PSG3: variants seen among roughly 807,000 people sequenced by gnomAD.
PSG3 encodes the protein pregnancy specific beta-1-glycoprotein 3.
A neutral mutation model predicts 47.5 loss-of-function variants in PSG3; 61 were observed. The observed-to-expected ratio is 1.28, with a 90% CI of 1.05 to 1.59. The LOEUF is 1.59. Ranked by LOEUF, PSG3 falls within the 40% of genes most tolerant of loss-of-function variation. The pLI, the probability that PSG3 is intolerant of heterozygous loss-of-function variation, is 0.00. For synonymous variants in PSG3, 263 were observed against 198.4 expected, an observed-to-expected ratio of 1.33 and a Z score of -2.74; for missense variants, 756 against 524.0, an observed-to-expected ratio of 1.44 and a Z score of -4.32.
chr19:42,723,348 A>G (rs56245764), intron 6 of PSG3, among the ~76,000 whole-genome samples: 3 of 152,340 alleles, frequency 2.0e-5, no homozygotes, highest in South Asian at 2.1e-4. Flanking sequence ...AGAATTTTAT[A>G]TCTATATGGG....
At chr19:42,736,159 A>G (rs1969559432) in intron 2 of PSG3, among the ~76,000 whole-genome samples, 1 of 152,246 alleles carries the variant, frequency 6.6e-6, no homozygotes, top group Non-Finnish European at 1.5e-5. Context: ...AGGGAACTGA[A>G]TTCTGCTAAA....
intron 3 of PSG3, among the ~76,000 whole-genome samples, chr19:42,730,349 T>C (rs1969452936): frequency 6.6e-6 from 1 of 152,148 alleles, no homozygotes. Context: ...CCCCTCCCAG[T>C]CCCTCCATAA....
At position 42,738,788 on chromosome 19, in the gene PSG3, T is replaced by A. The variant is rs1400677219; in HGVS notation, c.366A>T (p.Leu122Phe). 1 of 1,614,056 alleles carries A rather than the reference T, an allele frequency of 6.2e-7. No individual in the cohort carries two copies. The highest frequency in any genetic ancestry group is 8.5e-7 in the Non-Finnish European group (1 of 1,179,968). The stretch of plus-strand genomic sequence containing the variant: ...TCCCATCACCTCGCTTTACGATGTG[T>A]AAGGTGTAGGATCCTGCGTCCTCCC... ...VTREDAGSYT[L>F]HIVKRGDGTR... Residue 122 changes from leucine to phenylalanine, a missense_variant, in exon 2 of 7, where the codon TTA becomes TTT. By Grantham distance (22) the Leu-to-Phe change is conservative. Coordinates refer to ENST00000327495, the MANE Select transcript of PSG3 (RefSeq NM_021016.4).
chr19:42,725,890 C>CAAAAAAAAAAAAAACAAAAAAAAAA (rs1969369168), intron 5 of PSG3, among the ~76,000 whole-genome samples: 1 of 68,054 alleles, frequency 1.5e-5, no homozygotes, highest in African/African-American at 6.2e-5. Context: ...CAACAACAAC[C>CAAAAAAAAAAAAAACAAAAAAAAAA]AAAAAAAAAA....
rs866718026 is a variant in PSG3 at position 42,739,723 on chromosome 19, C to T, written c.64+598G>A. Among the ~76,000 whole-genome samples the T allele has an allele frequency of 1.8e-3, 267 of 151,890 alleles. 1 individual carries two copies. Among genetic ancestry groups the T allele is most frequent in the African/African-American group, 5.3e-3 (219 of 41,428 alleles). ...TTTTTGCTGAGGACAGTGTTTCATG[C>T]CCTGCTTATATTTTTATTTGAAGTG... On this transcript the variant is annotated intron_variant, in intron 1 of 6. Transcript: ENST00000327495.
chr19:42,727,845 A>C (rs539087213), intron 5 of PSG3, among the ~76,000 whole-genome samples: 127 of 152,392 alleles, frequency 8.3e-4, no homozygotes, highest in African/African-American at 2.7e-3. Flanking sequence ...CATTACTCAC[A>C]CTAGCCAAAA....
In PSG3 at chr19:42,721,654, G is replaced by A. The variant is rs111583711; in HGVS notation, c.*477C>T. On this transcript the variant is annotated 3_prime_UTR_variant, in exon 7 of 7. Transcript: ENST00000327495. ...AGCAGATCCTTACTGAACTTGTGCA[G>A]ATAACTTTATTACCATAAACATATG... is the stretch of plus-strand genomic sequence containing the variant. 24,499 of 268,580 alleles carry A rather than the reference G, an allele frequency of 0.091. 1,313 individuals carry two copies. The highest frequency in any genetic ancestry group is 0.14 in the Middle Eastern group (131 of 940). The allele number at this position is 268,580 out of a possible 1,614,324, so 16.6% of individuals were successfully genotyped here. A position where few individuals can be genotyped will look rare whatever the true frequency, so the allele number is the denominator to read the frequency against.
intron 5 of PSG3, among the ~76,000 whole-genome samples, chr19:42,725,903 A>AAAAAAAG (rs1196634673): frequency 1.3e-5 from 2 of 150,960 alleles, no homozygotes; most frequent in African/African-American, 2.4e-5. Context: ...AAAAAAAAAA[A>AAAAAAAG]AAAAAAGAAA....
chr19:42,733,085 A>T, intron 2 of PSG3, 23 bp from the exon 3 acceptor site: 1 of 1,609,054 alleles, frequency 6.2e-7, no homozygotes, highest in Non-Finnish European at 8.5e-7. Flanking sequence ...CAGAGAGAAG[A>T]TTGCCCTGTG....
intron 6 of PSG3, among the ~76,000 whole-genome samples, chr19:42,722,610 C>T (rs1041033504): frequency 6.6e-5 from 10 of 152,162 alleles, no homozygotes; most frequent in African/African-American, 2.4e-4. Flanking sequence ...GGTTTAGCAT[C>T]ACTTATCACT....
chr19:42,729,942 A>G lies in PSG3; in HGVS notation c.824T>C (p.Leu275Pro). The G allele has an allele frequency of 1.2e-6, 2 of 1,612,148 alleles. No homozygotes were observed. Among genetic ancestry groups the G allele is most frequent in the East Asian group, 2.2e-5 (1 of 44,886 alleles). Residue 275 changes from leucine (L) to proline (P), a missense_variant, in exon 4 of 7, where the codon CTA becomes CCA. Leu to Pro is a moderately conservative substitution (Grantham distance 98). Transcript: ENST00000327495. ...KSENYTYIWW[L>P]NGQSLPVSPR... ...ACTGACCGGGAGGCTCTGACCATTT[A>G]GCCACCAAATGTAGGTGTAGTTCTC...
rs748843743 is a variant in PSG3 at position 42,740,397 on chromosome 19, C to T, written c.-13G>A. 9 of 1,613,878 alleles carry T rather than the reference C, an allele frequency of 5.6e-6. No individual in the cohort carries two copies. Among genetic ancestry groups the T allele is most frequent in the East Asian group, 4.5e-5 (2 of 44,880 alleles). ...AGAGGGGCCCCATGGTCTCTGCTGCCTGCGTGTTCTCCTCTGTGGAGCTGA... is the reference window on the plus strand; with the variant it reads ...AGAGGGGCCCCATGGTCTCTGCTGCTTGCGTGTTCTCCTCTGTGGAGCTGA... On this transcript the variant is annotated 5_prime_UTR_variant, in exon 1 of 7. Transcript: ENST00000327495.
chr19:42,734,711 A>C (rs1969533013), intron 2 of PSG3, among the ~76,000 whole-genome samples: 1 of 152,202 alleles, frequency 6.6e-6, no homozygotes, highest in Non-Finnish European at 1.5e-5. Context: ...CAACTCCTTA[A>C]GTAGAGAGAG....
intron 5 of PSG3, among the ~76,000 whole-genome samples, chr19:42,727,693 C>A (rs1395629119): frequency 2.0e-5 from 3 of 152,150 alleles, no homozygotes; most frequent in Non-Finnish European, 4.4e-5. Flanking sequence ...AATGTTATAG[C>A]CACTGTAAGA....
intron 6 of PSG3, among the ~76,000 whole-genome samples, chr19:42,722,995 C>G (rs1490852886): frequency 6.6e-6 from 1 of 152,160 alleles, no homozygotes; most frequent in Non-Finnish European, 1.5e-5. Flanking sequence ...ATGTGTAGCT[C>G]TATTTCCCAT....
At chr19:42,731,470 A>G (rs1278858082) in intron 3 of PSG3, among the ~76,000 whole-genome samples, 1 of 152,062 alleles carries the variant, frequency 6.6e-6, no homozygotes, top group South Asian at 2.1e-4. Flanking sequence ...GGTGAATTCC[A>G]TACTGGCCAT....
At chr19:42,722,903 G>T (rs183120082) in intron 6 of PSG3, among the ~76,000 whole-genome samples, 9 of 152,270 alleles carry the variant, frequency 5.9e-5, no homozygotes, top group Non-Finnish European at 7.4e-5. Flanking sequence ...ACCAATGCCT[G>T]GGTCCCTCTC....
chr19:42,739,090 C>T lies in PSG3; in HGVS notation c.65-1G>A. 2 of 1,597,984 alleles carry T rather than the reference C, an allele frequency of 1.3e-6. No individual in the cohort carries two copies. Among genetic ancestry groups the T allele is most frequent in the African/African-American group, 1.4e-5 (1 of 73,982 alleles). On this transcript the variant is annotated splice_acceptor_variant, in intron 1 of 6. Transcript: ENST00000327495. LOFTEE classifies it high-confidence loss of function. ...AAGTTCCAGAAGTTTAAAAGTAATG[C>T]TAGGAGGTGGAGAGAGCATCAGTCA...
In PSG3 at chr19:42,729,989, G is replaced by C. The variant is rs371424649; in HGVS notation, c.777C>G (p.Ala259=). 6.2e-7 allele frequency: 1 copy of C among 1,612,262 alleles called. No individual in the cohort carries two copies. Among genetic ancestry groups the C allele is most frequent in the East Asian group, 2.2e-5 (1 of 44,872 alleles). ...TCTCACTCTTAGGTTCACAGGTGAA[G>C]GCTAAGACATCCTTATTCTCCCTGG... The part of the protein sequence containing the change: ...LNPRENKDVL[A]FTCEPKSENY... The change falls in exon 4 of 7, where the codon GCC becomes GCG. Residue 259 remains alanine (A), a synonymous_variant. Transcript: ENST00000327495.
Sources: allele counts gnomAD v4.1 joint callset (sites outside exome capture counted in the v4.1 genomes callset), GRCh38; gene constraint gnomAD v4.1.1; transcripts MANE v1.5; gene names NCBI Gene and HGNC (gene_info 2026-07-23, HGNC 2026-07-21).